DCAF10: variants seen among roughly 807,000 people sequenced by gnomAD.
DCAF10 encodes the protein DDB1- and CUL4-associated factor 10.
A neutral mutation model predicts 51.9 loss-of-function variants in DCAF10; 19 were observed. The ratio of observed to expected loss-of-function variants is 0.37; its 90% CI spans 0.26 to 0.54. The LOEUF is 0.54. DCAF10 is among the 20% of genes least tolerant of loss of function. The probability of loss-of-function intolerance (pLI) is 0.87; values close to 1 mark genes in which losing one functional copy is unlikely to be tolerated. For synonymous variants in DCAF10, 291 were observed against 297.1 expected (o/e 0.98, Z 0.21); for missense variants, 510 against 730.6 (o/e 0.70, Z 3.48).
chr9:37,847,780 A>G (rs766812521), intron 3 of DCAF10, among the ~76,000 whole-genome samples: 9 of 152,252 alleles, frequency 5.9e-5, no homozygotes, highest in Non-Finnish European at 1.2e-4. Flanking sequence ...CAAGAAATCC[A>G]CTAGACCTAA....
chr9:37,800,837 G>A lies in DCAF10; in HGVS notation c.-30G>A. ...CTGAGGTGTCGGCCGGCGGGGCAGT[G>A]GCCCGGAGCGGGGGGCGGGGGCGTT... On this transcript the variant is annotated 5_prime_UTR_variant, in exon 1 of 7. Coordinates refer to ENST00000377724, the MANE Select transcript of DCAF10 (RefSeq NM_024345.5). The A allele has an allele frequency of 6.7e-7, 1 of 1,486,734 alleles. No individual in the cohort carries two copies. Among genetic ancestry groups the A allele is most frequent in the Non-Finnish European group, 8.9e-7 (1 of 1,125,040 alleles). The allele number at this position is 1,486,734 out of a possible 1,614,324, so 92.1% of individuals were successfully genotyped here.
Position 37,864,590 on chromosome 9 carries a change from A to AT in DCAF10, c.*3082_*3083insT, listed in dbSNP as rs959906956. 5 of 147,044 alleles carry AT rather than the reference A, an allele frequency of 3.4e-5. No individual in the cohort carries two copies. Among genetic ancestry groups the AT allele is most frequent in the African/African-American group, 5.1e-5 (2 of 39,090 alleles). The allele number at this position is 147,044 out of a possible 1,614,324, so 9.1% of individuals were successfully genotyped here. A position where few individuals can be genotyped will look rare whatever the true frequency, so the allele number is the denominator to read the frequency against. On this transcript the variant is annotated 3_prime_UTR_variant, in exon 7 of 7. Transcript: ENST00000377724. ...CAGAGCGAGACTCTGCCTCAAAAAA[A>AT]AAAAAAAAAATAAAATAAAATAAAA...
intron 3 of DCAF10, among the ~76,000 whole-genome samples, chr9:37,850,950 C>A (rs536394558): frequency 1.4e-5 from 2 of 146,416 alleles, no homozygotes; most frequent in Non-Finnish European, 3.0e-5. Flanking sequence ...ATTAAAAAAA[C>A]TCATTTTTTT....
At chr9:37,857,378 C>T in intron 5 of DCAF10, 27 bp downstream of exon 5, 1 of 1,495,604 alleles carries the variant, frequency 6.7e-7, no homozygotes, top group South Asian at 1.2e-5. Context: ...ATTTTATAAT[C>T]TTGTAACAAC....
intron 3 of DCAF10, among the ~76,000 whole-genome samples, chr9:37,851,810 A>T (rs148508481): frequency 0.015 from 2,220 of 150,842 alleles, 23 homozygotes; most frequent in Middle Eastern, 0.037. Context: ...TAAATAAATA[A>T]ATATATATGA....
At chr9:37,815,569 C>T (rs765506260) in intron 1 of DCAF10, among the ~76,000 whole-genome samples, 6 of 151,888 alleles carry the variant, frequency 4.0e-5, no homozygotes, top group African/African-American at 1.2e-4. Flanking sequence ...CACTTGAACC[C>T]GGGAGGCGGA....
intron 6 of DCAF10, 160 bp downstream of exon 6, chr9:37,860,353 T>C (rs1440416210): frequency 1.3e-5 from 12 of 907,064 alleles, no homozygotes; most frequent in Non-Finnish European, 1.8e-5. Context: ...CCTCTCTTGC[T>C]TCATATGGTA....
At position 37,861,110 on chromosome 9, in the gene DCAF10, C is replaced by A. The variant is rs1158899697; in HGVS notation, c.1312-30C>A. Reference sequence around the variant, plus strand: ...CTGTAGCACTATTTGGGCTCTGTAACCTTGGTTTGTCTCCCTTCTCTCCCC... The same window carrying A: ...CTGTAGCACTATTTGGGCTCTGTAAACTTGGTTTGTCTCCCTTCTCTCCCC... On this transcript the variant is annotated intron_variant, in intron 6 of 6. Transcript: ENST00000377724. This position sits in a 1 kb window ranked among gnomAD's most constrained non-coding sequence, Gnocchi z 4.9. 6.3e-7 allele frequency: 1 copy of A among 1,579,344 alleles called. No homozygotes were observed. The highest frequency in any genetic ancestry group is 8.6e-7 in the Non-Finnish European group (1 of 1,156,542).
intron 1 of DCAF10, among the ~76,000 whole-genome samples, chr9:37,808,673 A>ATTTATATTTATATTTAT: frequency 1.9e-5 from 2 of 102,658 alleles, no homozygotes; most frequent in Non-Finnish European, 3.4e-5. Flanking sequence ...TATATTATAT[A>ATTTATATTTATATTTAT]ATATAAAATA....
intron 1 of DCAF10, among the ~76,000 whole-genome samples, chr9:37,815,513 C>T (rs1829498114): frequency 6.6e-6 from 1 of 152,116 alleles, no homozygotes. Context: ...GGCATCATGG[C>T]ACACGCCTGC....
intron 2 of DCAF10, among the ~76,000 whole-genome samples, chr9:37,834,793 A>C (rs1589098469): frequency 7.7e-6 from 1 of 129,214 alleles, no homozygotes; most frequent in African/African-American, 3.2e-5. Context: ...TCAATCACGT[A>C]CTTTTTTTTT....
chr9:37,836,100 G>T, intron 2 of DCAF10: 1 of 1,226,066 alleles, frequency 8.2e-7, no homozygotes, highest in Non-Finnish European at 1.2e-6. Flanking sequence ...TAAAGAACTT[G>T]GTATCTCTAT....
intron 1 of DCAF10, among the ~76,000 whole-genome samples, chr9:37,817,380 G>C (rs769625207): frequency 6.6e-6 from 1 of 152,102 alleles, no homozygotes; most frequent in Non-Finnish European, 1.5e-5. Flanking sequence ...TGAGGCAGGA[G>C]GATCACTTGA....
chr9:37,853,632 A>G (rs1242864807), intron 3 of DCAF10, among the ~76,000 whole-genome samples: 1 of 151,718 alleles, frequency 6.6e-6, no homozygotes, highest in Non-Finnish European at 1.5e-5. Context: ...TCATAGAATT[A>G]TATCCTGTTA....
Position 37,860,187 on chromosome 9 carries a change from T to C in DCAF10, c.1305T>C (p.Asp435=), listed in dbSNP as rs1830972593. 6.2e-7 allele frequency: 1 copy of C among 1,614,006 alleles called. No homozygotes were observed. Among genetic ancestry groups the C allele is most frequent in the African/African-American group, 1.3e-5 (1 of 74,930 alleles). ...TLLRCSSNSD[D]EECTCVYEFQ... ...TTCGGTGCTCAAGCAACAGTGATGATGAGGAGGTACAGGCAGCAGCACTCC... is the reference window on the plus strand; with the variant it reads ...TTCGGTGCTCAAGCAACAGTGATGACGAGGAGGTACAGGCAGCAGCACTCC... Residue 435 remains aspartate (D), a synonymous_variant, in exon 6 of 7, where the codon GAT becomes GAC. Transcript: ENST00000377724.
Position 37,804,295 on chromosome 9 carries a change from G to A in DCAF10, c.539+2890G>A, listed in dbSNP as rs547362709. 1.5e-3 allele frequency among the ~76,000 whole-genome samples: 206 copies of A among 138,342 alleles called. 1 individual carries two copies. The highest frequency in any genetic ancestry group is 5.1e-3 in the African/African-American group (193 of 37,488). The allele number at this position is 138,342 out of a possible 152,430, so 90.8% of individuals were successfully genotyped here. On this transcript the variant is annotated intron_variant, in intron 1 of 6. Coordinates refer to ENST00000377724, the MANE Select transcript of DCAF10 (RefSeq NM_024345.5). ...GGAACTCTGGCTAACTATATGGTAC[G>A]CTTATACCATATAAGCATATCATAT...
At chr9:37,811,305 C>G (rs1032586860) in intron 1 of DCAF10, among the ~76,000 whole-genome samples, 1 of 152,110 alleles carries the variant, frequency 6.6e-6, no homozygotes, top group African/African-American at 2.4e-5. Flanking sequence ...ACACTTCAGC[C>G]TGGGTGACCA....
In DCAF10 at chr9:37,862,516, G is replaced by A. The variant is rs948899638; in HGVS notation, c.*1008G>A. 3 of 152,208 alleles carry A rather than the reference G, an allele frequency of 2.0e-5. No individual in the cohort carries two copies. The highest frequency in any genetic ancestry group is 7.2e-5 in the African/African-American group (3 of 41,464). 9.4% of individuals were successfully genotyped at this position (152,208 alleles called of 1,614,324 possible). On this transcript the variant is annotated 3_prime_UTR_variant, in exon 7 of 7. Transcript: ENST00000377724. ...TACTCATTTTTCTTCCCTGAGCCAG[G>A]TGTGACAAGCCAACTCTGTCACCAT... is the stretch of plus-strand genomic sequence containing the variant.
In DCAF10 at chr9:37,801,196, C is replaced by A; in HGVS notation, c.330C>A (p.His110Gln). The A allele has an allele frequency of 6.5e-7, 1 of 1,547,378 alleles. No homozygotes were observed. The highest frequency in any genetic ancestry group is 8.7e-7 in the Non-Finnish European group (1 of 1,148,918). The change falls in exon 1 of 7, where the codon CAC becomes CAA. Residue 110 changes from histidine (H) to glutamine (Q), a missense_variant. Around this residue, in one of 4 missense-constraint regions of DCAF10, gnomAD observed 251 missense variants for 227.9 expected, o/e 1.10. Transcript: ENST00000377724. The surrounding 1 kb of genome is among the most constrained non-coding windows in gnomAD (Gnocchi z 5.5). ...GCAGGGCCAAGAGCCGGGGCCGACA[C>A]GGCCTCGGCGCGGGCCTGGGCGGCC... The part of the protein sequence containing the change: ...PDCRAKSRGR[H>Q]GLGAGLGGPG...
Sources: allele counts gnomAD v4.1 joint callset (sites outside exome capture counted in the v4.1 genomes callset), GRCh38; gene constraint gnomAD v4.1.1; regional missense constraint gnomAD v4.1.1; non-coding constraint Gnocchi (gnomAD v3.1); transcripts MANE v1.5; gene names NCBI Gene and HGNC (gene_info 2026-07-23, HGNC 2026-07-21).